Variants in DCDC1 observed in about 807,000 individuals in gnomAD.
DCDC1 encodes the protein doublecortin domain containing 1, also known as doublecortin domain-containing protein 1.
Under a neutral mutation model 178.3 loss-of-function variants are expected in DCDC1, and 200 were observed. The ratio of observed to expected loss-of-function variants is 1.12; its 90% CI spans 1.00 to 1.26. The LOEUF is 1.26. Ranked by LOEUF, DCDC1 falls within the 50% of genes most tolerant of loss-of-function variation. The pLI is 0.00. For synonymous variants in DCDC1, 690 were observed against 604.8 expected (o/e 1.14, Z -2.07); for missense variants, 1,983 against 1,749.2 (o/e 1.13, Z -2.38).
chr11:31,084,319 T>G (rs566721199), intron 17 of DCDC1, among the ~76,000 whole-genome samples: 1 of 152,254 alleles, frequency 6.6e-6, no homozygotes, highest in African/African-American at 2.4e-5. Context: ...AGAAAATTTT[T>G]ATCTCTAGAA....
chr11:30,920,797 T>A lies in DCDC1; in HGVS notation c.3272A>T (p.Glu1091Val), dbSNP rs755459965. 3.5e-5 allele frequency: 57 copies of A among 1,613,620 alleles called. 1 individual carries two copies. In the East Asian group the frequency reaches 1.2e-3, roughly 35 times the overall value. ...TTACAGAATTTCACTGGAAGCATTT[T>A]CCGTTGTTAGAGGATCTTCTTGCAT... ...KQMQEDPLTTENASSEILDSH... is the reference protein window; with the variant it reads ...KQMQEDPLTTVNASSEILDSH... Residue 1091 changes from glutamate to valine, a missense_variant, in exon 25 of 39, where the codon GAA becomes GTA. Glu to Val is a moderately radical substitution (Grantham distance 121). Transcript: ENST00000684477.
intron 3 of DCDC1, among the ~76,000 whole-genome samples, chr11:31,326,303 A>T (rs1007351580): frequency 6.6e-6 from 1 of 152,204 alleles, no homozygotes; most frequent in African/African-American, 2.4e-5. Context: ...ACCGACTAAC[A>T]ATCAAAGAAA....
intron 11 of DCDC1, among the ~76,000 whole-genome samples, chr11:31,120,728 T>G (rs1960675033): frequency 6.6e-6 from 1 of 152,116 alleles, no homozygotes; most frequent in South Asian, 2.1e-4. Context: ...TCTCATTCCC[T>G]CATGCTTTCT....
At chr11:31,150,209 T>C (rs184302306) in intron 9 of DCDC1, among the ~76,000 whole-genome samples, 7 of 152,310 alleles carry the variant, frequency 4.6e-5, no homozygotes, top group African/African-American at 9.6e-5. Context: ...GAAATAACTA[T>C]GGATATGCAC....
chr11:31,359,531 A>G (rs1046978034), intron 1 of DCDC1, among the ~76,000 whole-genome samples: 1 of 152,210 alleles, frequency 6.6e-6, no homozygotes, highest in South Asian at 2.1e-4. Context: ...ACATGTATAC[A>G]TATGTAACTA....
chr11:31,121,088 C>G (rs747671166), intron 11 of DCDC1, among the ~76,000 whole-genome samples: 6 of 152,040 alleles, frequency 3.9e-5, no homozygotes, highest in Non-Finnish European at 8.8e-5. Flanking sequence ...CACTTGTTGC[C>G]TGAAGGGCTT....
At chr11:30,902,314 C>T (rs1944741066) in intron 32 of DCDC1, among the ~76,000 whole-genome samples, 1 of 152,134 alleles carries the variant, frequency 6.6e-6, no homozygotes, top group African/African-American at 2.4e-5. Flanking sequence ...AAACATTCTT[C>T]CCCTCTGGAG....
At chr11:31,347,580 G>A (rs903514535) in intron 1 of DCDC1, among the ~76,000 whole-genome samples, 1 of 152,124 alleles carries the variant, frequency 6.6e-6, no homozygotes, top group African/African-American at 2.4e-5. Context: ...CAATGAAATA[G>A]GTTGACACTC....
chr11:30,999,245 T>C (rs534692434), intron 20 of DCDC1, among the ~76,000 whole-genome samples: 1 of 152,202 alleles, frequency 6.6e-6, no homozygotes, highest in Admixed American at 6.5e-5. Context: ...ACCTTATAAG[T>C]CTTTAGTTTG....
At chr11:31,173,551 A>C (rs1440898936) in intron 9 of DCDC1, among the ~76,000 whole-genome samples, 1 of 152,212 alleles carries the variant, frequency 6.6e-6, no homozygotes, top group Admixed American at 6.5e-5. Context: ...GCACCATTTC[A>C]ATTGGAGAAT....
chr11:31,051,974 A>T (rs498510), intron 20 of DCDC1, among the ~76,000 whole-genome samples: 74,259 of 151,996 alleles, frequency 0.49, 18,396 homozygotes, highest in Middle Eastern at 0.57. Context: ...ACAATGAGCA[A>T]GATGAAAGCA....
chr11:30,927,741 T>C (rs1946675980), intron 22 of DCDC1, among the ~76,000 whole-genome samples: 1 of 152,168 alleles, frequency 6.6e-6, no homozygotes, highest in African/African-American at 2.4e-5. Flanking sequence ...GTTTTGTACA[T>C]GGAAAAATCA....
intron 9 of DCDC1, among the ~76,000 whole-genome samples, chr11:31,212,742 C>T (rs1972726835): frequency 6.6e-6 from 1 of 151,954 alleles, no homozygotes; most frequent in Non-Finnish European, 1.5e-5. Context: ...TAGGAAATAT[C>T]TGGGGAAAAA....
chr11:31,121,680 C>A (rs1357873598), intron 11 of DCDC1, among the ~76,000 whole-genome samples: 1 of 151,512 alleles, frequency 6.6e-6, no homozygotes, highest in Admixed American at 6.6e-5. Flanking sequence ...TGCCTCCAGC[C>A]CCTGGTTGAG....
At chr11:31,014,233 C>G (rs1022383383) in intron 20 of DCDC1, among the ~76,000 whole-genome samples, 47 of 152,008 alleles carry the variant, frequency 3.1e-4, no homozygotes, top group African/African-American at 1.1e-3. Context: ...CTTTTTCTCC[C>G]CCCTCCCCTC....
chr11:31,239,583 TATC>T (rs1163938210), intron 9 of DCDC1, among the ~76,000 whole-genome samples: 1 of 151,934 alleles, frequency 6.6e-6, no homozygotes, highest in Non-Finnish European at 1.5e-5. Flanking sequence ...AAAACTTAAG[TATC>T]ATATTAAAAC....
chr11:31,236,790 A>G (rs1422511929), intron 9 of DCDC1, among the ~76,000 whole-genome samples: 2 of 152,142 alleles, frequency 1.3e-5, no homozygotes, highest in Admixed American at 6.6e-5. Flanking sequence ...TTATGTTTAT[A>G]TATTATAGAT....
intron 7 of DCDC1, among the ~76,000 whole-genome samples, chr11:31,289,620 T>C (rs535393063): frequency 6.6e-6 from 1 of 152,176 alleles, no homozygotes; most frequent in South Asian, 2.1e-4. Flanking sequence ...GATTTCATAA[T>C]AAAAATTTTC....
rs376275884 is a variant in DCDC1, at chr11:31,306,231, C to T, written c.591+1G>A. 56 of 1,514,972 alleles carry T rather than the reference C, an allele frequency of 3.7e-5. No homozygotes were observed. In the African/African-American group the frequency reaches 6.6e-4, roughly 18 times the overall value. 93.8% of individuals were successfully genotyped at this position (1,514,972 alleles called of 1,614,324 possible). On this transcript the variant is annotated splice_donor_variant, in intron 5 of 38. Transcript: ENST00000684477. LOFTEE classifies it high-confidence loss of function. ...ACAGAAAACTTTGGAACACTAGTTA[C>T]CAAGGTGATGGTTGGTACAGTAACT...
Sources: gnomAD v4.1 joint callset for allele counts (sites outside exome capture counted in the v4.1 genomes callset) on GRCh38, gnomAD v4.1.1 for gene constraint, MANE v1.5 for transcripts, NCBI Gene and HGNC (gene_info 2026-07-23, HGNC 2026-07-21) for gene names.